Variants in DOCK3 observed in about 807,000 individuals in gnomAD.
DOCK3 encodes dedicator of cytokinesis protein 3.
In DOCK3, 60 loss-of-function variants were observed where a neutral mutation model predicts 265.6. The observed-to-expected ratio is 0.23, with a 90% CI of 0.18 to 0.28. The LOEUF (loss-of-function observed/expected upper bound fraction) is 0.28. Among genes scored for constraint, DOCK3 ranks in the 10% least tolerant of loss-of-function variants. The pLI, the probability that DOCK3 is intolerant of heterozygous loss-of-function variation, is 1.00. For synonymous variants in DOCK3, 881 were observed against 938.0 expected, an observed-to-expected ratio of 0.94 and a Z score of 1.11; for missense variants, 1,981 against 2,594.3, an observed-to-expected ratio of 0.76 and a Z score of 5.14.
Position 51,214,159 on chromosome 3 carries a change from G to A in DOCK3, c.1164G>A (p.Met388Ile). 3.1e-6 allele frequency: 5 copies of A among 1,613,834 alleles called. No individual in the cohort carries two copies. The highest frequency in any genetic ancestry group is 3.4e-6 in the Non-Finnish European group (4 of 1,179,822). The change falls in exon 14 of 53, where the codon ATG (methionine) becomes ATA (isoleucine). Residue 388 changes from methionine (M) to isoleucine (I), a missense_variant. Met to Ile is a conservative substitution (Grantham distance 10, BLOSUM62 1). Around this residue, in one of 4 missense-constraint regions of DOCK3, gnomAD observed 456 missense variants for 539.0 expected, o/e 0.85. Transcript: ENST00000266037. ...IISLQLLRGD[M>I]EQIRRENPMI... ...CTCTGCAGCTTCTTCGTGGAGACAT[G>A]GAACAGATTCGGAGAGAAAATCCCA...
intron 7 of DOCK3, among the ~76,000 whole-genome samples, chr3:51,079,897 A>G (rs1391643247): frequency 1.3e-5 from 2 of 152,354 alleles, no homozygotes; most frequent in Admixed American, 1.3e-4. Context: ...GAATGCTTGC[A>G]TTATAGCCCC....
At chr3:51,197,548 G>C (rs1284402678) in intron 12 of DOCK3, among the ~76,000 whole-genome samples, 1 of 152,166 alleles carries the variant, frequency 6.6e-6, no homozygotes, top group African/African-American at 2.4e-5. Flanking sequence ...GAGTTTAGGA[G>C]AAGTACTCAG....
chr3:51,264,445 A>G (rs1448713481), intron 23 of DOCK3, among the ~76,000 whole-genome samples: 1 of 152,222 alleles, frequency 6.6e-6, no homozygotes, highest in Non-Finnish European at 1.5e-5. Context: ...CACAGGAGAA[A>G]GCGGGAAATA....
chr3:51,240,982 G>C (rs1257528894), intron 21 of DOCK3, among the ~76,000 whole-genome samples: 2 of 152,098 alleles, frequency 1.3e-5, no homozygotes, highest in African/African-American at 4.8e-5. Context: ...ATGTTAGCTG[G>C]TTATTTTGCA....
chr3:50,692,097 T>C (rs1026318383), intron 1 of DOCK3, among the ~76,000 whole-genome samples: 14 of 152,174 alleles, frequency 9.2e-5, no homozygotes, highest in Admixed American at 3.9e-4. Flanking sequence ...TTTTTATTTT[T>C]TAGAGGTAAT....
chr3:51,050,631 C>T (rs1240294565), intron 5 of DOCK3, among the ~76,000 whole-genome samples: 1 of 152,134 alleles, frequency 6.6e-6, no homozygotes, highest in Non-Finnish European at 1.5e-5. Context: ...GAGTCAGAAC[C>T]TGAGAACTGA....
intron 7 of DOCK3, among the ~76,000 whole-genome samples, chr3:51,088,260 T>C (rs550224594): frequency 6.6e-5 from 10 of 152,150 alleles, no homozygotes; most frequent in South Asian, 4.2e-4. Flanking sequence ...TTACCAAAGG[T>C]TGAGAATCGT....
chr3:51,045,121 A>G (rs1435076160), intron 5 of DOCK3, among the ~76,000 whole-genome samples: 2 of 152,154 alleles, frequency 1.3e-5, no homozygotes, highest in Non-Finnish European at 2.9e-5. Context: ...AGCTTTCAAC[A>G]TGCCTTTGCC....
Position 51,214,205 on chromosome 3 carries a change from G to A in DOCK3, c.1210G>A (p.Ala404Thr). The change falls in exon 14 of 53, where the codon GCA (alanine) becomes ACA (threonine). Residue 404 changes from alanine to threonine, a missense_variant. By Grantham distance (58) the Ala-to-Thr change is moderately conservative (BLOSUM62 0). Transcript: ENST00000266037. Reference sequence around the variant, plus strand: ...TCCCATGATATTTAATAGGGGATTGGCAATTACAAGAAAATTGGGATTTCC... The same window carrying A: ...TCCCATGATATTTAATAGGGGATTGACAATTACAAGAAAATTGGGATTTCC... ...ENPMIFNRGL[A>T]ITRKLGFPDV... 6.8e-6 allele frequency: 11 copies of A among 1,613,774 alleles called. No individual in the cohort carries two copies. Among genetic ancestry groups the A allele is most frequent in the African/African-American group, 1.3e-5 (1 of 75,022 alleles).
At chr3:51,146,218 G>A (rs960347311) in intron 9 of DOCK3, among the ~76,000 whole-genome samples, 11 of 152,258 alleles carry the variant, frequency 7.2e-5, no homozygotes, top group African/African-American at 1.4e-4. Context: ...TATGGATTTC[G>A]CATCATGCTG....
intron 4 of DOCK3, among the ~76,000 whole-genome samples, chr3:50,904,225 G>A (rs1474003339): frequency 2.0e-5 from 3 of 152,288 alleles, no homozygotes; most frequent in East Asian, 1.9e-4. Context: ...TTAAACATAC[G>A]TGTGCATGTG....
At chr3:50,974,233 G>A (rs2077355329) in intron 5 of DOCK3, among the ~76,000 whole-genome samples, 1 of 151,838 alleles carries the variant, frequency 6.6e-6, no homozygotes, top group South Asian at 2.1e-4. Flanking sequence ...GTCCTGAATG[G>A]TATTGCCTAG....
intron 6 of DOCK3, among the ~76,000 whole-genome samples, chr3:51,072,467 G>C (rs1188953257): frequency 6.6e-6 from 1 of 151,942 alleles, no homozygotes; most frequent in Non-Finnish European, 1.5e-5. Flanking sequence ...GAGTGTGGTG[G>C]CATGATTTTT....
At chr3:50,893,758 G>A (rs2048754581) in intron 4 of DOCK3, among the ~76,000 whole-genome samples, 1 of 151,960 alleles carries the variant, frequency 6.6e-6, no homozygotes, top group Non-Finnish European at 1.5e-5. Flanking sequence ...CCAAATCTGG[G>A]GAGGGAAATG....
At chr3:50,951,035 T>C (rs1231967144) in intron 5 of DOCK3, among the ~76,000 whole-genome samples, 1 of 152,170 alleles carries the variant, frequency 6.6e-6, no homozygotes, top group Non-Finnish European at 1.5e-5. Flanking sequence ...TCCTATTTCT[T>C]TTAAAACAAC....
chr3:51,291,002 G>A (rs545912535), intron 27 of DOCK3, among the ~76,000 whole-genome samples: 35 of 152,288 alleles, frequency 2.3e-4, no homozygotes, highest in Admixed American at 4.6e-4. Context: ...GTTTGAACCC[G>A]GGAGGTGGAG....
intron 35 of DOCK3, among the ~76,000 whole-genome samples, chr3:51,336,063 C>T (rs58201844): frequency 0.083 from 12,384 of 149,346 alleles, 1,141 homozygotes; most frequent in East Asian, 0.34. Context: ...GGACATCAAA[C>T]AAAAAGGAAA....
intron 19 of DOCK3, among the ~76,000 whole-genome samples, chr3:51,232,598 G>A (rs1242327140): frequency 6.6e-6 from 1 of 152,060 alleles, no homozygotes; most frequent in African/African-American, 2.4e-5. Flanking sequence ...TCTCATTGTG[G>A]TTTTAGTTTG....
intron 6 of DOCK3, among the ~76,000 whole-genome samples, chr3:51,067,952 A>G (rs555692928): frequency 6.6e-6 from 1 of 152,344 alleles, no homozygotes; most frequent in African/African-American, 2.4e-5. Flanking sequence ...TGATAGTTCC[A>G]CACTTCTTGT....
Sources: gnomAD v4.1 joint callset for allele counts (sites outside exome capture counted in the v4.1 genomes callset) on GRCh38, gnomAD v4.1.1 for gene constraint, gnomAD v4.1.1 regional missense constraint, MANE v1.5 for transcripts, NCBI Gene and HGNC (gene_info 2026-07-23, HGNC 2026-07-21) for gene names.